The following RGS7 variants were observed in gnomAD, a reference collection of about 807,000 sequenced individuals.
RGS7 encodes the protein regulator of G protein signaling 7.
A neutral mutation model predicts 81.1 loss-of-function variants in RGS7; 27 were observed. The ratio of observed to expected loss-of-function variants is 0.33; its 90% CI spans 0.25 to 0.46. The LOEUF (loss-of-function observed/expected upper bound fraction) is 0.46. Ranked by LOEUF, RGS7 falls within the 20% of genes least tolerant of loss-of-function variation. The pLI is 1.00. For missense variants in RGS7, 396 were observed against 607.4 expected, an observed-to-expected ratio of 0.65 and a Z score of 3.66; for synonymous variants, 208 against 207.7, an observed-to-expected ratio of 1.00 and a Z score of -0.01.
chr1:241,074,863 C>T (rs2062699235), intron 3 of RGS7, among the ~76,000 whole-genome samples: 2 of 151,954 alleles, frequency 1.3e-5, no homozygotes, highest in Non-Finnish European at 2.9e-5. Flanking sequence ...TAATACTGGC[C>T]CTGGAGTTTT....
At chr1:240,919,776 T>TTACCACA in intron 6 of RGS7, 1 of 699,550 alleles carries the variant, frequency 1.4e-6, no homozygotes, top group Non-Finnish European at 2.6e-6. Context: ...GCTCATGGAC[T>TTACCACA]GTGTGGTAAT....
chr1:241,170,826 T>C (rs1164924852), intron 2 of RGS7, among the ~76,000 whole-genome samples: 1 of 150,924 alleles, frequency 6.6e-6, no homozygotes, highest in African/African-American at 2.5e-5. Flanking sequence ...ACCAATAGTA[T>C]TCTTAACAGT....
intron 2 of RGS7, among the ~76,000 whole-genome samples, chr1:241,201,077 G>A (rs749223770): frequency 6.6e-6 from 1 of 151,956 alleles, no homozygotes; most frequent in Non-Finnish European, 1.5e-5. Flanking sequence ...ACCACTTCTG[G>A]TCACCTCTGT....
chr1:240,899,300 G>A (rs1423913590), intron 6 of RGS7, among the ~76,000 whole-genome samples: 3 of 152,108 alleles, frequency 2.0e-5, no homozygotes. Context: ...GGTTAATATT[G>A]TTATGTGTGA....
intron 4 of RGS7, among the ~76,000 whole-genome samples, 165 bp from the exon 5 acceptor site, chr1:240,936,871 G>T (rs1424408522): frequency 4.6e-5 from 7 of 151,990 alleles, no homozygotes; most frequent in Non-Finnish European, 8.8e-5. Context: ...AAACTTCCTT[G>T]TCCCTTCTCC....
chr1:241,139,922 C>G (rs2067809534), intron 2 of RGS7, among the ~76,000 whole-genome samples: 1 of 152,176 alleles, frequency 6.6e-6, no homozygotes, highest in Admixed American at 6.5e-5. Context: ...TAACCATCAC[C>G]TAGGTGTCAG....
intron 3 of RGS7, among the ~76,000 whole-genome samples, chr1:240,987,177 C>T (rs143317659): frequency 6.6e-6 from 1 of 151,862 alleles, no homozygotes; most frequent in East Asian, 1.9e-4. Flanking sequence ...AAAAAAATTG[C>T]AAAATATTTG....
intron 3 of RGS7, among the ~76,000 whole-genome samples, chr1:241,051,972 T>C (rs946037198): frequency 1.3e-5 from 2 of 152,304 alleles, no homozygotes; most frequent in East Asian, 1.9e-4. Flanking sequence ...CCAGCCTCTA[T>C]AGTTTTGCAC....
intron 3 of RGS7, among the ~76,000 whole-genome samples, chr1:241,077,302 G>A (rs750477049): frequency 1.7e-4 from 26 of 152,094 alleles, no homozygotes; most frequent in Non-Finnish European, 3.4e-4. Flanking sequence ...AATGGATAAG[G>A]GTTCACAGAA....
At chr1:240,969,178 G>T (rs527713032) in intron 4 of RGS7, among the ~76,000 whole-genome samples, 1 of 151,148 alleles carries the variant, frequency 6.6e-6, no homozygotes, top group Non-Finnish European at 1.5e-5. Context: ...TTTTCTTTTC[G>T]TCTATTCTTC....
intron 6 of RGS7, among the ~76,000 whole-genome samples, chr1:240,925,616 A>C (rs1674319284): frequency 6.6e-6 from 1 of 152,234 alleles, no homozygotes; most frequent in African/African-American, 2.4e-5. Context: ...CTGGTAGAAT[A>C]ATTTATTTTC....
At chr1:240,841,240 G>C (rs139873924) in intron 9 of RGS7, among the ~76,000 whole-genome samples, 8 of 152,306 alleles carry the variant, frequency 5.3e-5, no homozygotes, top group Admixed American at 5.2e-4. Context: ...AACTTACAAA[G>C]CCTCAGTTTT....
At chr1:241,233,867 T>C (rs372535767) in intron 2 of RGS7, among the ~76,000 whole-genome samples, 14 of 151,480 alleles carry the variant, frequency 9.2e-5, no homozygotes, top group Middle Eastern at 3.4e-3. Context: ...TTTACATTCC[T>C]ACTAGCAACG....
At chr1:241,052,143 T>C (rs1443185407) in intron 3 of RGS7, among the ~76,000 whole-genome samples, 1 of 152,146 alleles carries the variant, frequency 6.6e-6, no homozygotes, top group Non-Finnish European at 1.5e-5. Context: ...GGGTCCCGTG[T>C]TCAATGCTAG....
chr1:241,306,350 CAT>C (rs2080131628), intron 2 of RGS7, among the ~76,000 whole-genome samples: 2 of 151,198 alleles, frequency 1.3e-5, no homozygotes, highest in African/African-American at 4.9e-5. Context: ...CTCACATGTA[CAT>C]ATACACACAT....
intron 9 of RGS7, among the ~76,000 whole-genome samples, chr1:240,853,513 C>A (rs886447190): frequency 1.3e-5 from 2 of 152,114 alleles, no homozygotes; most frequent in Non-Finnish European, 2.9e-5. Flanking sequence ...CTCACAGTAA[C>A]AATAGTCAGA....
intron 18 of RGS7, among the ~76,000 whole-genome samples, chr1:240,786,405 G>A (rs74151830): frequency 0.13 from 20,056 of 152,030 alleles, 2,948 homozygotes; most frequent in African/African-American, 0.36. Flanking sequence ...CAAAAATAAT[G>A]TTGTTTTACC....
At chr1:241,042,806 A>G (rs1173269906) in intron 3 of RGS7, among the ~76,000 whole-genome samples, 1 of 151,886 alleles carries the variant, frequency 6.6e-6, no homozygotes, top group Non-Finnish European at 1.5e-5. Flanking sequence ...CGGGCATGGT[A>G]GCACATGCCT....
chr1:240,905,395 C>T (rs1046487828), intron 6 of RGS7, among the ~76,000 whole-genome samples: 3 of 152,074 alleles, frequency 2.0e-5, no homozygotes, highest in Non-Finnish European at 4.4e-5. Context: ...AAAGAAGCAG[C>T]GACAGGTAGG....
Sources: gnomAD v4.1 joint callset for allele counts (sites outside exome capture counted in the v4.1 genomes callset) on GRCh38, gnomAD v4.1.1 for gene constraint, MANE v1.5 for transcripts, NCBI Gene and HGNC (gene_info 2026-07-23, HGNC 2026-07-21) for gene names.